The following TAB2 variants were observed in gnomAD, a reference collection of about 807,000 sequenced individuals.
The protein encoded by TAB2 is TGF-beta activated kinase 1 (MAP3K7) binding protein 2, also known as TGF-beta-activated kinase 1 and MAP3K7-binding protein 2.
A neutral mutation model predicts 65.0 loss-of-function variants in TAB2; 3 were observed. That is an observed-to-expected ratio of 0.05 (90% CI 0.02 to 0.12). The LOEUF is 0.12. Ranked by LOEUF, TAB2 falls within the 10% of genes least tolerant of loss-of-function variation. The probability of loss-of-function intolerance (pLI) is 1.00; values close to 1 mark genes in which losing one functional copy is unlikely to be tolerated. For synonymous variants in TAB2, 298 were observed against 285.1 expected, an observed-to-expected ratio of 1.05 and a Z score of -0.46; for missense variants, 623 against 840.3, an observed-to-expected ratio of 0.74 and a Z score of 3.20.
intron 1 of TAB2, among the ~76,000 whole-genome samples, chr6:149,357,419 G>GAAAAAAA (rs1490716055): frequency 0.015 from 1,343 of 91,562 alleles, 30 homozygotes; most frequent in Admixed American, 0.019. Context: ...CCGTCTCAAG[G>GAAAAAAA]AGAAAAAAAA....
chr6:149,301,524 A>G (rs926480970), intron 1 of TAB2, among the ~76,000 whole-genome samples: 4 of 152,258 alleles, frequency 2.6e-5, no homozygotes, highest in Non-Finnish European at 5.9e-5. Flanking sequence ...TACATTACAC[A>G]TATACATTCA....
At chr6:149,363,589 T>C (rs1283937751) in intron 1 of TAB2, among the ~76,000 whole-genome samples, 1 of 152,200 alleles carries the variant, frequency 6.6e-6, no homozygotes, top group Non-Finnish European at 1.5e-5. Context: ...TCTTTAAACA[T>C]GCTCTTCAGT....
At chr6:149,299,649 C>A (rs933475213) in intron 1 of TAB2, among the ~76,000 whole-genome samples, 1 of 152,066 alleles carries the variant, frequency 6.6e-6, no homozygotes, top group African/African-American at 2.4e-5. Context: ...TAGGGCAAAC[C>A]TATTCTATCC....
At chr6:149,282,798 G>A (rs1197865780) in intron 1 of TAB2, among the ~76,000 whole-genome samples, 3 of 152,078 alleles carry the variant, frequency 2.0e-5, no homozygotes, top group South Asian at 2.1e-4. Flanking sequence ...ACATGAATTC[G>A]TCACACACTG....
chr6:149,312,247 C>T (rs749556930), intron 1 of TAB2, among the ~76,000 whole-genome samples: 60 of 152,242 alleles, frequency 3.9e-4, no homozygotes, highest in Middle Eastern at 6.8e-3. Context: ...TAAGAGCATG[C>T]GCACATAAAT....
intron 2 of TAB2, among the ~76,000 whole-genome samples, chr6:149,374,913 G>T (rs1013341045): frequency 2.0e-5 from 3 of 151,964 alleles, no homozygotes; most frequent in Admixed American, 2.0e-4. Flanking sequence ...GAGGGGAGGG[G>T]CTGGTTATTA....
chr6:149,347,657 A>T (rs1780348358), intron 1 of TAB2, among the ~76,000 whole-genome samples: 1 of 152,172 alleles, frequency 6.6e-6, no homozygotes, highest in Non-Finnish European at 1.5e-5. Flanking sequence ...GAGTTTAAGT[A>T]AAGTTTGCTT....
intron 1 of TAB2, among the ~76,000 whole-genome samples, chr6:149,264,930 A>G (rs2114670548): frequency 6.6e-6 from 1 of 152,388 alleles, no homozygotes; most frequent in African/African-American, 2.4e-5. Context: ...CCACGTTTCC[A>G]GGGATGGGCT....
chr6:149,306,622 C>T (rs1040133287), intron 1 of TAB2, among the ~76,000 whole-genome samples: 3 of 151,608 alleles, frequency 2.0e-5, no homozygotes, highest in Non-Finnish European at 4.4e-5. Context: ...TGTAGTGGCG[C>T]AGCCCTGTAG....
At chr6:149,330,128 G>A (rs536203) in intron 1 of TAB2, among the ~76,000 whole-genome samples, 54,946 of 151,388 alleles carry the variant, frequency 0.36, 10,229 homozygotes, top group East Asian at 0.6. Context: ...TCCCCTTGAG[G>A]TCCTTCCAAA....
chr6:149,374,812 T>G (rs1781348000), intron 2 of TAB2, among the ~76,000 whole-genome samples: 1 of 152,058 alleles, frequency 6.6e-6, no homozygotes, highest in East Asian at 1.9e-4. Flanking sequence ...GGAAATTGAT[T>G]GACCACGGGG....
At chr6:149,403,243 A>ATAT (rs1289811809) in intron 6 of TAB2, among the ~76,000 whole-genome samples, 12 of 48,942 alleles carry the variant, frequency 2.5e-4, no homozygotes, top group African/African-American at 1.0e-3. Flanking sequence ...CTAAAAAAAA[A>ATAT]AAAAATATAT....
At chr6:149,265,700 G>T (rs1170143455) in intron 1 of TAB2, among the ~76,000 whole-genome samples, 1 of 152,204 alleles carries the variant, frequency 6.6e-6, no homozygotes, top group Non-Finnish European at 1.5e-5. Flanking sequence ...TGAACTTGGA[G>T]TTGTAAGACT....
chr6:149,363,390 A>G (rs76550944), intron 1 of TAB2, among the ~76,000 whole-genome samples: 10 of 152,316 alleles, frequency 6.6e-5, no homozygotes, highest in Non-Finnish European at 1.5e-4. Context: ...TTACCTCTAC[A>G]GAGTAGGAAT....
intron 1 of TAB2, among the ~76,000 whole-genome samples, chr6:149,333,138 A>G (rs911614849): frequency 1.3e-5 from 2 of 152,234 alleles, no homozygotes; most frequent in Admixed American, 6.5e-5. Context: ...GACACAGACT[A>G]CTAGAGTTTA....
intron 1 of TAB2, among the ~76,000 whole-genome samples, chr6:149,286,840 G>A (rs1778684713): frequency 1.3e-5 from 2 of 152,172 alleles, no homozygotes; most frequent in Admixed American, 1.3e-4. Context: ...TATTGGCTGG[G>A]CGCGGTAGCT....
At chr6:149,360,336 T>C (rs1292008841) in intron 1 of TAB2, among the ~76,000 whole-genome samples, 1 of 152,208 alleles carries the variant, frequency 6.6e-6, no homozygotes, top group Non-Finnish European at 1.5e-5. Context: ...TTGCCAAGCA[T>C]CGGCTCACCT....
In TAB2 at chr6:149,243,131, C is replaced by G. The variant is rs553959993; in HGVS notation, c.-121+24355C>G. ...AACACAGGGGTTCATTCCCTTCTCTCCGAAATCTGCTCGTATGCACCCAAA... is the reference window on the plus strand; with the variant it reads ...AACACAGGGGTTCATTCCCTTCTCTGCGAAATCTGCTCGTATGCACCCAAA... On this transcript the variant is annotated intron_variant, in intron 1 of 1. Transcript: ENST00000606202. 3.0e-4 allele frequency among the ~76,000 whole-genome samples: 46 copies of G among 152,298 alleles called. No individual in the cohort carries two copies. The South Asian group carries it at 5.2e-3, about 17-fold the overall frequency.
chr6:149,297,066 C>A (rs554086166), intron 1 of TAB2, among the ~76,000 whole-genome samples: 1 of 152,108 alleles, frequency 6.6e-6, no homozygotes, highest in African/African-American at 2.4e-5. Flanking sequence ...CTCTATCTCT[C>A]TCTCTCTCTT....
Sources: gnomAD v4.1 joint callset for allele counts (sites outside exome capture counted in the v4.1 genomes callset) on GRCh38, gnomAD v4.1.1 for gene constraint, MANE v1.5 for transcripts, NCBI Gene and HGNC (gene_info 2026-07-23, HGNC 2026-07-21) for gene names.